MLXIP: variants seen among roughly 807,000 people sequenced by gnomAD.
The protein encoded by MLXIP is MLX-interacting protein.
Under a neutral mutation model 87.2 loss-of-function variants are expected in MLXIP, and 30 were observed. That is an observed-to-expected ratio of 0.34 (90% CI 0.26 to 0.47). MLXIP has a LOEUF of 0.47. Among genes scored for constraint, MLXIP ranks in the 20% least tolerant of loss-of-function variants. The probability of loss-of-function intolerance (pLI) is 1.00; values close to 1 mark genes in which losing one functional copy is unlikely to be tolerated. For missense variants in MLXIP, 1,002 were observed against 1,240.1 expected, an observed-to-expected ratio of 0.81 and a Z score of 2.88; for synonymous variants, 530 against 514.0, an observed-to-expected ratio of 1.03 and a Z score of -0.42.
rs553894310 is a variant in MLXIP, at chr12:122,113,706, A to G, written c.414-13550A>G. 5.4e-3 allele frequency among the ~76,000 whole-genome samples: 168 copies of G among 31,074 alleles called. 2 individuals are homozygous for G. The highest frequency in any genetic ancestry group is 7.7e-3 in the Non-Finnish European group (136 of 17,752). 20.4% of individuals were successfully genotyped at this position (31,074 alleles called of 152,430 possible). A position where few individuals can be genotyped will look rare whatever the true frequency, so the allele number is the denominator to read the frequency against. On this transcript the variant is annotated intron_variant, in intron 1 of 16. Transcript: ENST00000319080. ...CTTTTTTTTTTTTTTTTTTTTTGAG[A>G]CGGAGTCTCGCTCTGTCGCCCAGGC... is the stretch of plus-strand genomic sequence containing the variant.
chr12:122,111,441 T>G (rs950394143), intron 1 of MLXIP, among the ~76,000 whole-genome samples: 5 of 152,338 alleles, frequency 3.3e-5, no homozygotes, highest in African/African-American at 1.2e-4. Context: ...ACATTTTACC[T>G]TGGTGAATAT....
intron 8 of MLXIP, chr12:122,132,789 G>A: frequency 5.3e-6 from 1 of 189,004 alleles, no homozygotes; most frequent in Non-Finnish European, 1.1e-5. Context: ...AGCTGAGTGA[G>A]GTACCATTCT....
intron 1 of MLXIP, among the ~76,000 whole-genome samples, chr12:122,115,760 G>A (rs769090410): frequency 1.3e-5 from 2 of 151,900 alleles, no homozygotes; most frequent in South Asian, 2.1e-4. Flanking sequence ...ATATAAAATA[G>A]CAAGGGAAAC....
chr12:122,109,767 T>C (rs1952576090), intron 1 of MLXIP, among the ~76,000 whole-genome samples: 1 of 152,124 alleles, frequency 6.6e-6, no homozygotes, highest in South Asian at 2.1e-4. Flanking sequence ...AAAGGAGAGA[T>C]TTAGGTTGAC....
chr12:122,129,308 A>G (rs1033497522), intron 4 of MLXIP, 82 bp downstream of exon 4: 3 of 1,256,770 alleles, frequency 2.4e-6, no homozygotes, highest in African/African-American at 1.5e-5. Flanking sequence ...CCGAGGCGGT[A>G]GGCTCCACAG....
Position 122,079,336 on chromosome 12 carries a change from A to AG in MLXIP, c.413+73dup, listed in dbSNP as rs1952058502. 4 of 1,402,450 alleles carry AG rather than the reference A, an allele frequency of 2.9e-6. No individual in the cohort carries two copies. In the East Asian group the frequency reaches 1.0e-4, roughly 36 times the overall value. 86.9% of individuals were successfully genotyped at this position (1,402,450 alleles called of 1,614,324 possible). A position where few individuals can be genotyped will look rare whatever the true frequency, so the allele number is the denominator to read the frequency against. ...GTTTGACAAAACAAGCGTGGAGGGA[A>AG]GGGCCGCCTGGCAACCCCGTGGCTT... On this transcript the variant is annotated intron_variant, in intron 1 of 16. Coordinates refer to ENST00000319080, the MANE Select transcript of MLXIP (RefSeq NM_014938.6).
At chr12:122,084,366 G>C (rs893586491) in intron 1 of MLXIP, among the ~76,000 whole-genome samples, 1 of 152,122 alleles carries the variant, frequency 6.6e-6, no homozygotes, top group African/African-American at 2.4e-5. Flanking sequence ...GACGCTGGTT[G>C]GTTCATTGCC....
At position 122,133,694 on chromosome 12, in the gene MLXIP, C is replaced by T. The variant is rs570125417; in HGVS notation, c.1439C>T (p.Ala480Val). 70 of 1,613,680 alleles carry T rather than the reference C, an allele frequency of 4.3e-5. No individual in the cohort carries two copies. The highest frequency in any genetic ancestry group is 1.6e-4 in the Middle Eastern group (1 of 6,062). ...CAGAAGTTTGCTGGAGTCAACAAAGCGCCGTCTGTCATCACCCACACGGCC... is the reference window on the plus strand; with the variant it reads ...CAGAAGTTTGCTGGAGTCAACAAAGTGCCGTCTGTCATCACCCACACGGCC... ...QPQKFAGVNK[A>V]PSVITHTASA... The change falls in exon 9 of 17, where the codon GCG becomes GTG. Residue 480 changes from alanine (A) to valine (V), a missense_variant. By Grantham distance (64) the Ala-to-Val change is moderately conservative (BLOSUM62 0). This residue lies in a region of MLXIP where 746 missense variants were observed against 897.0 expected (regional missense o/e 0.83). Transcript: ENST00000319080. This position sits in a 1 kb window ranked among gnomAD's most constrained non-coding sequence, Gnocchi z 4.9.
chr12:122,134,202 T>G, intron 9 of MLXIP: 1 of 630,670 alleles, frequency 1.6e-6, no homozygotes, highest in Non-Finnish European at 2.4e-6. Context: ...GTTTTTTTGT[T>G]TGGTTTTTTT....
At position 122,137,760 on chromosome 12, in the gene MLXIP, G is replaced by GGGATGGT. The variant is rs1953120323; in HGVS notation, c.2154+173_2154+179dup. 1 of 600,114 alleles carries GGGATGGT rather than the reference G, an allele frequency of 1.7e-6. No homozygotes were observed. Among genetic ancestry groups the GGGATGGT allele is most frequent in the African/African-American group, 2.0e-5 (1 of 49,546 alleles). The allele number at this position is 600,114 out of a possible 1,614,324, so 37.2% of individuals were successfully genotyped here. A position where few individuals can be genotyped will look rare whatever the true frequency, so the allele number is the denominator to read the frequency against. ...CCCCATGCCACGAACCAGCCCTGTGGGGATGGTGGGCCCCCTGGAGGCTTT... is the reference window on the plus strand; with the variant it reads ...CCCCATGCCACGAACCAGCCCTGTGGGGATGGTGGATGGTGGGCCCCCTGGAGGCTTT... On this transcript the variant is annotated intron_variant, in intron 12 of 16. Transcript: ENST00000319080. The surrounding 1 kb of genome is among the most constrained non-coding windows in gnomAD (Gnocchi z 4.1).
Position 122,139,830 on chromosome 12 carries a change from C to T in MLXIP, c.2508+892C>T, listed in dbSNP as rs377523731. ...CTGGAACTACAGGCTCATGCCACCACGCCCGGCTAATTTTTGTATTTTTAA... is the reference window on the plus strand; with the variant it reads ...CTGGAACTACAGGCTCATGCCACCATGCCCGGCTAATTTTTGTATTTTTAA... On this transcript the variant is annotated intron_variant, in intron 15 of 16. Transcript: ENST00000319080. Among the ~76,000 whole-genome samples the T allele has an allele frequency of 2.2e-4, 33 of 152,324 alleles. No individual in the cohort carries two copies. In the East Asian group the frequency reaches 3.5e-3, roughly 16 times the overall value.
intron 1 of MLXIP, among the ~76,000 whole-genome samples, chr12:122,099,333 A>C (rs1353927121): frequency 1.3e-5 from 2 of 152,186 alleles, no homozygotes; most frequent in African/African-American, 4.8e-5. Context: ...CTTGGTCCAG[A>C]GGGCATCCTG....
chr12:122,138,886 T>C lies in MLXIP; in HGVS notation c.2456T>C (p.Met819Thr), dbSNP rs1288385580. The change falls in exon 15 of 17, where the codon ATG becomes ACG. Residue 819 changes from methionine (M) to threonine (T), a missense_variant. Physicochemically the swap from Met to Thr is moderately conservative, Grantham distance 81 (BLOSUM62 -1). Around this residue, in one of 3 missense-constraint regions of MLXIP, gnomAD observed 746 missense variants for 897.0 expected, o/e 0.83. Coordinates refer to ENST00000319080, the MANE Select transcript of MLXIP (RefSeq NM_014938.6). Reference protein sequence around the residue: ...TRRQFDHMKDMFDEYVKTRTL... With the variant: ...TRRQFDHMKDTFDEYVKTRTL... ...CGCCAGTTTGATCACATGAAAGACA[T>C]GTTTGACGAATACGTGAAAACCCGG... The C allele has an allele frequency of 1.9e-6, 3 of 1,614,032 alleles. No individual in the cohort carries two copies. Among genetic ancestry groups the C allele is most frequent in the Non-Finnish European group, 2.5e-6 (3 of 1,179,892 alleles).
intron 1 of MLXIP, among the ~76,000 whole-genome samples, chr12:122,082,855 C>G (rs1952111327): frequency 6.6e-6 from 1 of 152,198 alleles, no homozygotes; most frequent in African/African-American, 2.4e-5. Flanking sequence ...GGATCTCGCT[C>G]TGTTTCCCAG....
chr12:122,141,663 C>A, intron 16 of MLXIP, 28 bp from the exon 17 acceptor site: 1 of 1,610,816 alleles, frequency 6.2e-7, no homozygotes, highest in South Asian at 1.1e-5. Context: ...TGTGTCACTG[C>A]CTGTGTCTGA....
intron 1 of MLXIP, among the ~76,000 whole-genome samples, chr12:122,101,605 G>A (rs866702756): frequency 0.011 from 1,477 of 138,720 alleles, 31 homozygotes; most frequent in African/African-American, 0.037. Context: ...TTTTGAGACG[G>A]AGTCTCGCTC....
chr12:122,088,469 G>A lies in MLXIP; in HGVS notation c.413+9203G>A, dbSNP rs1301910284. 2.0e-5 allele frequency among the ~76,000 whole-genome samples: 3 copies of A among 152,178 alleles called. No homozygotes were observed. The South Asian group carries it at 6.2e-4, about 31-fold the overall frequency. ...TCCAGCATCTGGAGAAAGAATTCTA[G>A]GAAGAGGATTCCATGTCATCCGCCT... On this transcript the variant is annotated intron_variant, in intron 1 of 16. Coordinates refer to ENST00000319080, the MANE Select transcript of MLXIP (RefSeq NM_014938.6).
At chr12:122,088,824 A>C (rs1952205629) in intron 1 of MLXIP, among the ~76,000 whole-genome samples, 1 of 152,090 alleles carries the variant, frequency 6.6e-6, no homozygotes, top group East Asian at 1.9e-4. Flanking sequence ...TGTAGAAAGC[A>C]GGGGAATTAG....
chr12:122,118,224 T>C (rs536128316), intron 1 of MLXIP, among the ~76,000 whole-genome samples: 4 of 152,022 alleles, frequency 2.6e-5, no homozygotes, highest in African/African-American at 9.7e-5. Flanking sequence ...CGGCGTGAGA[T>C]TTTGCTATTC....
Sources: allele counts gnomAD v4.1 joint callset (sites outside exome capture counted in the v4.1 genomes callset), GRCh38; gene constraint gnomAD v4.1.1; regional missense constraint gnomAD v4.1.1; non-coding constraint Gnocchi (gnomAD v3.1); transcripts MANE v1.5; gene names NCBI Gene and HGNC (gene_info 2026-07-23, HGNC 2026-07-21).